The following SYCP1 variants were observed in gnomAD, a reference collection of about 807,000 sequenced individuals.
SYCP1 encodes synaptonemal complex protein 1.
SYCP1 carries 64 observed loss-of-function variants against 153.1 expected under a neutral mutation model. The ratio of observed to expected loss-of-function variants is 0.42; its 90% CI spans 0.34 to 0.51. The LOEUF (loss-of-function observed/expected upper bound fraction) is 0.51, where lower values mean the gene tolerates loss of function less well. Ranked by LOEUF, SYCP1 falls within the 20% of genes least tolerant of loss-of-function variation. SYCP1 has a pLI of 0.06. For missense variants in SYCP1, 997 were observed against 1,049.0 expected, an observed-to-expected ratio of 0.95 and a Z score of 0.68; for synonymous variants, 384 against 341.8, an observed-to-expected ratio of 1.12 and a Z score of -1.36.
chr1:114,981,073 C>T (rs1049582030), intron 28 of SYCP1, among the ~76,000 whole-genome samples: 3 of 151,792 alleles, frequency 2.0e-5, no homozygotes, highest in South Asian at 2.1e-4. Flanking sequence ...CTAAGAATAA[C>T]GACCTCCAGG....
At chr1:114,860,658 A>T (rs1664306159) in intron 7 of SYCP1, 78 bp from the exon 8 acceptor site, 1 of 894,996 alleles carries the variant, frequency 1.1e-6, no homozygotes, top group Non-Finnish European at 1.7e-6. Context: ...AATTGTAACA[A>T]TATATTTCAT....
chr1:114,937,591 C>G (rs991744716), intron 23 of SYCP1, among the ~76,000 whole-genome samples: 2 of 152,086 alleles, frequency 1.3e-5, no homozygotes, highest in African/African-American at 4.8e-5. Context: ...AAGAAACTAC[C>G]ATCAGAGTGA....
At chr1:114,885,702 C>T in intron 13 of SYCP1, 73 bp downstream of exon 13, 1 of 860,806 alleles carries the variant, frequency 1.2e-6, no homozygotes, top group Non-Finnish European at 1.8e-6. Context: ...TTATTAAATA[C>T]TAATACAATG....
chr1:114,860,957 G>A (rs1290311202), intron 8 of SYCP1, 148 bp downstream of exon 8: 2 of 585,940 alleles, frequency 3.4e-6, no homozygotes, highest in African/African-American at 1.9e-5. Context: ...TAAGTAATAA[G>A]GAGAATCACA....
chr1:114,994,888 TC>T lies in SYCP1; in HGVS notation c.2801del (p.Ser934TyrfsTer3). ...AATTTTATTTTGTACTCAGGCCCCT[TC>T]ATCTCTAACAACCCCTGGATCTACA... is the stretch of plus-strand genomic sequence containing the variant. ...LCVKTPKKAPSSLTTPGSTLK... is the reference protein window; with the variant it reads ...LCVKTPKKAPXSLTTPGSTLK... On this transcript the variant is annotated frameshift_variant, in exon 32 of 32. Coordinates refer to ENST00000369522, the MANE Select transcript of SYCP1 (RefSeq NM_003176.4). LOFTEE classifies it high-confidence loss of function. 1 of 1,479,942 alleles carries T rather than the reference TC, an allele frequency of 6.8e-7. No individual in the cohort carries two copies. Among genetic ancestry groups the T allele is most frequent in the Non-Finnish European group, 9.0e-7 (1 of 1,112,980 alleles). 91.7% of individuals were successfully genotyped at this position (1,479,942 alleles called of 1,614,324 possible).
chr1:114,964,047 C>A (rs949632753), intron 27 of SYCP1, among the ~76,000 whole-genome samples: 12 of 152,190 alleles, frequency 7.9e-5, no homozygotes, highest in African/African-American at 2.7e-4. Flanking sequence ...TGTTTCCTGA[C>A]TTTTTAATGA....
intron 1 of SYCP1, 126 bp from the exon 2 acceptor site, chr1:114,855,315 A>C (rs1439218077): frequency 2.1e-6 from 1 of 486,886 alleles, no homozygotes; most frequent in African/African-American, 2.0e-5. Flanking sequence ...CTGTAGCGAG[A>C]GCCCCGTGGA....
intron 23 of SYCP1, among the ~76,000 whole-genome samples, chr1:114,929,984 C>T (rs562242000): frequency 1.3e-5 from 2 of 152,092 alleles, no homozygotes; most frequent in South Asian, 4.1e-4. Flanking sequence ...TGAAGTCTTA[C>T]AGAATATGTT....
At chr1:114,885,768 T>G in intron 13 of SYCP1, 139 bp downstream of exon 13, 2 of 559,488 alleles carry the variant, frequency 3.6e-6, no homozygotes, top group African/African-American at 2.0e-5. Context: ...GTCTGCAAAA[T>G]GCTATAGTTT....
chr1:114,877,655 A>G (rs1387583709), intron 11 of SYCP1, among the ~76,000 whole-genome samples: 1 of 152,164 alleles, frequency 6.6e-6, no homozygotes, highest in Non-Finnish European at 1.5e-5. Context: ...ATGGCCAGCT[A>G]GTGTTTTTGC....
chr1:114,958,626 G>A (rs1671582152), intron 27 of SYCP1, among the ~76,000 whole-genome samples: 2 of 151,666 alleles, frequency 1.3e-5, no homozygotes, highest in Non-Finnish European at 2.9e-5. Flanking sequence ...AGTTTTAAAA[G>A]TTCTTTATTT....
At chr1:114,859,274 G>A (rs1483577652) in intron 6 of SYCP1, among the ~76,000 whole-genome samples, 2 of 152,012 alleles carry the variant, frequency 1.3e-5, no homozygotes, top group African/African-American at 4.8e-5. Context: ...TTTTAGTAGA[G>A]ATGGGATGCC....
intron 30 of SYCP1, among the ~76,000 whole-genome samples, chr1:114,992,975 G>A (rs1180044882): frequency 3.3e-5 from 5 of 151,244 alleles, no homozygotes; most frequent in African/African-American, 9.7e-5. Context: ...GAAAAGATTC[G>A]AATAGCCATT....
intron 28 of SYCP1, among the ~76,000 whole-genome samples, chr1:114,980,758 C>A (rs544504582): frequency 1.5e-3 from 223 of 151,688 alleles, no homozygotes; most frequent in Non-Finnish European, 2.4e-3. Context: ...GTTGAGATAT[C>A]TTATTTGTTT....
intron 1 of SYCP1, 66 bp from the exon 2 acceptor site, chr1:114,855,375 A>C: frequency 1.1e-6 from 1 of 885,070 alleles, no homozygotes. Context: ...TAAAGAATAC[A>C]TAGTGTATTC....
At chr1:114,932,606 C>T (rs529069705) in intron 23 of SYCP1, among the ~76,000 whole-genome samples, 12 of 152,290 alleles carry the variant, frequency 7.9e-5, no homozygotes, top group African/African-American at 1.2e-4. Context: ...GGTAGGGCAT[C>T]GCCTCACCTG....
intron 8 of SYCP1, 26 bp downstream of exon 8, chr1:114,860,835 A>AT: frequency 2.0e-6 from 3 of 1,508,026 alleles, no homozygotes; most frequent in Non-Finnish European, 8.9e-7. Flanking sequence ...GTTTTATGTG[A>AT]TTTTATCAAT....
At chr1:114,975,954 G>C (rs1240275668) in intron 27 of SYCP1, among the ~76,000 whole-genome samples, 1 of 151,718 alleles carries the variant, frequency 6.6e-6, no homozygotes, top group African/African-American at 2.4e-5. Context: ...CTAAAAAAAT[G>C]AGCACAAGAT....
At chr1:114,955,438 C>A (rs1473637568) in intron 27 of SYCP1, among the ~76,000 whole-genome samples, 1 of 152,146 alleles carries the variant, frequency 6.6e-6, no homozygotes, top group African/African-American at 2.4e-5. Flanking sequence ...GTTTTCCTTG[C>A]TTCTGTTTTC....
Sources: allele counts gnomAD v4.1 joint callset (sites outside exome capture counted in the v4.1 genomes callset), GRCh38; gene constraint gnomAD v4.1.1; transcripts MANE v1.5; gene names NCBI Gene and HGNC (gene_info 2026-07-23, HGNC 2026-07-21).